Variants in THAP9 observed in about 807,000 individuals in gnomAD.
THAP9 encodes DNA transposase THAP9.
THAP9 carries 20 observed loss-of-function variants against 35.7 expected under a neutral mutation model. The observed-to-expected ratio is 0.56, with a 90% CI of 0.39 to 0.81. The LOEUF is 0.81. Among genes scored for constraint, THAP9 ranks in the 40% least tolerant of loss-of-function variants. The pLI is 0.00. For missense variants in THAP9, 870 were observed against 1,047.4 expected (o/e 0.83, Z 2.34); for synonymous variants, 335 against 373.7 (o/e 0.90, Z 1.19).
At position 82,917,694 on chromosome 4, in the gene THAP9, A is replaced by G. The variant is rs765738720; in HGVS notation, c.1482A>G (p.Leu494=). The G allele has an allele frequency of 2.9e-5, 47 of 1,612,698 alleles. No individual in the cohort carries two copies. The highest frequency in any genetic ancestry group is 3.7e-5 in the Non-Finnish European group (44 of 1,179,292). ...ESVASALEYL[L]SLDLPPFQNC... ...TAGCCAGTGCATTAGAATATTTGTT[A>G]TCCTTAGACCTGCCACCTTTTCAAA... The change falls in exon 5 of 5, where the codon TTA becomes TTG. Residue 494 remains leucine, a synonymous_variant. Transcript: ENST00000302236.
intron 1 of THAP9, 150 bp from the exon 2 acceptor site, chr4:82,904,585 GA>G: frequency 1.3e-6 from 1 of 740,948 alleles, no homozygotes; most frequent in Non-Finnish European, 2.1e-6. Context: ...AAAGAACTTT[GA>G]AAAATGAACT....
chr4:82,906,432 A>G lies in THAP9; in HGVS notation c.385A>G (p.Lys129Glu), dbSNP rs752256064. The G allele has an allele frequency of 4.3e-6, 7 of 1,613,754 alleles. No homozygotes were observed. The highest frequency in any genetic ancestry group is 4.2e-6 in the Non-Finnish European group (5 of 1,179,804). The change falls in exon 3 of 5, where the codon AAG becomes GAG. Residue 129 changes from lysine (K) to glutamate (E), a missense_variant. By Grantham distance (56) the Lys-to-Glu change is moderately conservative. Around this residue, in one of 3 missense-constraint regions of THAP9, gnomAD observed 440 missense variants for 501.2 expected, o/e 0.88. Coordinates refer to ENST00000302236, the MANE Select transcript of THAP9 (RefSeq NM_024672.6). ...TACTGAGGACCATAACTATAGTTTA[A>G]AGACACCTTTGACGATAGGTGCAGA... ...VATEDHNYSL[K>E]TPLTIGAEKL... is the part of the protein sequence containing the mutation.
At chr4:82,913,729 C>T (rs1720945825) in intron 4 of THAP9, among the ~76,000 whole-genome samples, 1 of 146,396 alleles carries the variant, frequency 6.8e-6, no homozygotes, top group Non-Finnish European at 1.5e-5. Context: ...AAGTTCTCAT[C>T]TTTTTTTTTT....
intron 1 of THAP9, among the ~76,000 whole-genome samples, chr4:82,902,672 G>C (rs1266401731): frequency 6.6e-6 from 1 of 152,164 alleles, no homozygotes; most frequent in Non-Finnish European, 1.5e-5. Context: ...AAAGAACTCA[G>C]TGAAAAAAGA....
intron 4 of THAP9, among the ~76,000 whole-genome samples, 175 bp from the exon 5 acceptor site, chr4:82,916,769 T>TA (rs1265740544): frequency 4.6e-5 from 7 of 152,264 alleles, no homozygotes; most frequent in Non-Finnish European, 1.0e-4. Flanking sequence ...AAGTTTATCT[T>TA]ACTATTTTAT....
chr4:82,910,465 A>G (rs1720825244), intron 4 of THAP9, among the ~76,000 whole-genome samples: 1 of 150,900 alleles, frequency 6.6e-6, no homozygotes, highest in South Asian at 2.1e-4. Context: ...TTACCTACCA[A>G]TAAAATTTTG....
At chr4:82,903,676 AC>A (rs1239894918) in intron 1 of THAP9, 1 of 152,606 alleles carries the variant, frequency 6.6e-6, no homozygotes, top group Non-Finnish European at 1.5e-5. Flanking sequence ...ATAACAAGTT[AC>A]CTCAAAATTC....
At chr4:82,913,460 T>G (rs1472691606) in intron 4 of THAP9, 1 of 152,234 alleles carries the variant, frequency 6.6e-6, no homozygotes, top group Non-Finnish European at 1.5e-5. Flanking sequence ...AAAAAAAATT[T>G]TTAAACAATT....
chr4:82,915,930 C>T (rs564346800), intron 4 of THAP9, among the ~76,000 whole-genome samples: 4 of 152,076 alleles, frequency 2.6e-5, no homozygotes, highest in African/African-American at 4.8e-5. Flanking sequence ...TGTGTAAGTT[C>T]GTAGTATGTA....
rs1229728642 is a variant in THAP9, at chr4:82,919,443, C to G, written c.*519C>G. On this transcript the variant is annotated 3_prime_UTR_variant, in exon 5 of 5. Coordinates refer to ENST00000302236, the MANE Select transcript of THAP9 (RefSeq NM_024672.6). ...CAAATATCAAATACTGCAAAAATCC[C>G]CTTGTCCCAGGATACCCTAAAATAG... 6.6e-6 allele frequency: 1 copy of G among 152,350 alleles called. No individual in the cohort carries two copies. Among genetic ancestry groups the G allele is most frequent in the East Asian group, 1.9e-4 (1 of 5,204 alleles). The allele number at this position is 152,350 out of a possible 1,614,324, so 9.4% of individuals were successfully genotyped here. A position where few individuals can be genotyped will look rare whatever the true frequency, so the allele number is the denominator to read the frequency against.
intron 2 of THAP9, chr4:82,905,992 T>C (rs1203368469): frequency 8.7e-6 from 4 of 459,476 alleles, no homozygotes; most frequent in Non-Finnish European, 1.3e-5. Flanking sequence ...ATAACTTCTC[T>C]GTCACCTTCA....
At chr4:82,911,342 A>C (rs1168548848) in intron 4 of THAP9, among the ~76,000 whole-genome samples, 2 of 152,018 alleles carry the variant, frequency 1.3e-5, no homozygotes, top group African/African-American at 4.8e-5. Context: ...CTGTAATCCC[A>C]GCACTTGGGG....
rs774813712 is a variant in THAP9 at position 82,918,587 on chromosome 4, C to T, written c.2375C>T (p.Ser792Phe). The T allele has an allele frequency of 6.2e-7, 1 of 1,613,852 alleles. No homozygotes were observed. The highest frequency in any genetic ancestry group is 8.5e-7 in the Non-Finnish European group (1 of 1,179,922). The change falls in exon 5 of 5, where the codon TCT becomes TTT. Residue 792 changes from serine to phenylalanine, a missense_variant. This residue lies in a region of THAP9 where 414 missense variants were observed against 500.8 expected (regional missense o/e 0.83). Transcript: ENST00000302236. ...AGAATGGCAATTTTTGAACTAGTTTCTAAACAAAGGGAATTGTATCTTCAA... is the reference window on the plus strand; with the variant it reads ...AGAATGGCAATTTTTGAACTAGTTTTTAAACAAAGGGAATTGTATCTTCAA... ...HSRMAIFELVSKQRELYLQQK... is the reference protein window; with the variant it reads ...HSRMAIFELVFKQRELYLQQK...
At chr4:82,913,558 T>C (rs1173606470) in intron 4 of THAP9, 1 of 148,978 alleles carries the variant, frequency 6.7e-6, no homozygotes, top group Non-Finnish European at 1.5e-5. Flanking sequence ...CTTACTGTTT[T>C]TTCCTTTTTT....
intron 2 of THAP9, chr4:82,905,813 T>C (rs1187075450): frequency 8.8e-6 from 4 of 454,684 alleles, no homozygotes; most frequent in Non-Finnish European, 1.8e-5. Flanking sequence ...CATAAATTCT[T>C]ATATTGTATC....
rs758540361 is a variant in THAP9, at chr4:82,918,140, C to T, written c.1928C>T (p.Thr643Ile). 1 of 1,614,076 alleles carries T rather than the reference C, an allele frequency of 6.2e-7. No homozygotes were observed. Residue 643 changes from threonine (T) to isoleucine (I), a missense_variant, in exon 5 of 5, where the codon ACC (threonine) becomes ATC (isoleucine). Coordinates refer to ENST00000302236, the MANE Select transcript of THAP9 (RefSeq NM_024672.6). ...AFQKAYYNLE[T>I]RYKFQDEVFL... Reference sequence around the variant, plus strand: ...CAGAAAGCTTACTATAATTTGGAGACCAGATACAAATTTCAAGATGAAGTT... The same window carrying T: ...CAGAAAGCTTACTATAATTTGGAGATCAGATACAAATTTCAAGATGAAGTT...
intron 1 of THAP9, chr4:82,903,638 A>G (rs893585466): frequency 3.9e-5 from 6 of 152,622 alleles, no homozygotes; most frequent in Admixed American, 2.0e-4. Context: ...AATATAGTAA[A>G]TATACTTGTC....
rs747095049 is a variant in THAP9 at position 82,917,252 on chromosome 4, GA to G, written c.1041del (p.Tyr348IlefsTer9). 2 of 1,614,108 alleles carry G rather than the reference GA, an allele frequency of 1.2e-6. No individual in the cohort carries two copies. Among genetic ancestry groups the G allele is most frequent in the South Asian group, 2.2e-5 (2 of 91,076 alleles). ...TATTTTTTTGTAAACAGAGCATCTG[GA>G]TATTTGCAGGCTCAGCTGCTTCGTC... Reference protein sequence around the residue: ...LGYFFVNRASGYLQAQLLRLT... With the variant: ...LGYFFVNRASXYLQAQLLRLT... On this transcript the variant is annotated frameshift_variant, in exon 5 of 5. Coordinates refer to ENST00000302236, the MANE Select transcript of THAP9 (RefSeq NM_024672.6). LOFTEE classifies it high-confidence loss of function.
intron 4 of THAP9, among the ~76,000 whole-genome samples, chr4:82,912,713 G>A (rs180950338): frequency 1.3e-5 from 2 of 152,276 alleles, no homozygotes; most frequent in Admixed American, 1.3e-4. Context: ...ACCTTGGCAT[G>A]TTATTCCTAG....
Sources: gnomAD v4.1 joint callset for allele counts (sites outside exome capture counted in the v4.1 genomes callset) on GRCh38, gnomAD v4.1.1 for gene constraint, gnomAD v4.1.1 regional missense constraint, MANE v1.5 for transcripts, NCBI Gene and HGNC (gene_info 2026-07-23, HGNC 2026-07-21) for gene names.